The following DTWD2 variants were observed in gnomAD, a reference collection of about 807,000 sequenced individuals.
The protein encoded by DTWD2 is tRNA-uridine aminocarboxypropyltransferase 2.
A neutral mutation model predicts 31.8 loss-of-function variants in DTWD2; 39 were observed. That is an observed-to-expected ratio of 1.22 (90% CI 0.95 to 1.60). The LOEUF (loss-of-function observed/expected upper bound fraction) is 1.60, where lower values mean the gene tolerates loss of function less well. Among genes scored for constraint, DTWD2 ranks in the 40% most tolerant of loss-of-function variants. The pLI, the probability that DTWD2 is intolerant of heterozygous loss-of-function variation, is 0.00. For missense variants in DTWD2, 515 were observed against 381.5 expected (o/e 1.35, Z -2.92); for synonymous variants, 180 against 142.8 (o/e 1.26, Z -1.86).
chr5:118,967,846 T>A (rs1332078948), intron 1 of DTWD2, among the ~76,000 whole-genome samples: 1 of 152,002 alleles, frequency 6.6e-6, no homozygotes, highest in African/African-American at 2.4e-5. Context: ...CTAAAATCAG[T>A]GGGCAAAAAT....
intron 4 of DTWD2, among the ~76,000 whole-genome samples, chr5:118,889,924 G>A (rs914451713): frequency 2.0e-5 from 3 of 151,860 alleles, no homozygotes; most frequent in African/African-American, 7.3e-5. Flanking sequence ...TTACAATCTG[G>A]TAATAATATA....
chr5:118,850,660 G>A (rs1283198736), intron 4 of DTWD2, among the ~76,000 whole-genome samples: 3 of 151,764 alleles, frequency 2.0e-5, no homozygotes, highest in Non-Finnish European at 2.9e-5. Context: ...GCAAGAGTTG[G>A]CAAGTGGAAT....
rs186437695 is a variant in DTWD2 at position 118,984,580 on chromosome 5, G to T, written c.218+3714C>A. On this transcript the variant is annotated intron_variant, in intron 1 of 5. Coordinates refer to ENST00000510708, the MANE Select transcript of DTWD2 (RefSeq NM_173666.4). ...CAGATGGCTGGTGTTTAGTAAATGG[G>T]TGTTAAATACATAGATATGGTGTAT... Among the ~76,000 whole-genome samples, 491 of 152,230 alleles carry T rather than the reference G, an allele frequency of 3.2e-3. 2 individuals are homozygous for T. Among genetic ancestry groups the T allele is most frequent in the African/African-American group, 0.012 (480 of 41,518 alleles).
intron 3 of DTWD2, among the ~76,000 whole-genome samples, chr5:118,935,783 C>T (rs60372583): frequency 0.04 from 6,053 of 152,190 alleles, 402 homozygotes; most frequent in African/African-American, 0.14. Flanking sequence ...AAACAAATCC[C>T]TAATCATAGC....
At chr5:118,855,730 T>C (rs772857355) in intron 4 of DTWD2, among the ~76,000 whole-genome samples, 4 of 152,188 alleles carry the variant, frequency 2.6e-5, no homozygotes, top group Non-Finnish European at 5.9e-5. Context: ...ATTTGTTATT[T>C]TACTTTCTAT....
At chr5:118,932,313 C>CA (rs1753942103) in intron 3 of DTWD2, among the ~76,000 whole-genome samples, 3 of 77,096 alleles carry the variant, frequency 3.9e-5, no homozygotes, top group Non-Finnish European at 2.6e-5. Flanking sequence ...TCTGTCTTGA[C>CA]AAAAAAATTT....
chr5:118,842,233 T>C (rs1751735253), intron 5 of DTWD2, among the ~76,000 whole-genome samples: 1 of 152,192 alleles, frequency 6.6e-6, no homozygotes, highest in Non-Finnish European at 1.5e-5. Context: ...ATTAAAATAA[T>C]TCAAATTATA....
chr5:118,981,626 TCTTAC>T (rs769005902), intron 1 of DTWD2, among the ~76,000 whole-genome samples: 2 of 152,084 alleles, frequency 1.3e-5, no homozygotes, highest in African/African-American at 2.4e-5. Flanking sequence ...AGTGGCACCT[TCTTAC>T]CTTACTACAG....
At chr5:118,889,917 C>A (rs1433761838) in intron 4 of DTWD2, among the ~76,000 whole-genome samples, 1 of 152,010 alleles carries the variant, frequency 6.6e-6, no homozygotes. Context: ...CATTCTGTTA[C>A]AATCTGGTAA....
intron 4 of DTWD2, among the ~76,000 whole-genome samples, chr5:118,899,762 T>C (rs1242212249): frequency 6.6e-6 from 1 of 151,958 alleles, no homozygotes; most frequent in Non-Finnish European, 1.5e-5. Flanking sequence ...TTATAGAAAT[T>C]GAATCATTGA....
rs73239041 is a variant in DTWD2, at chr5:118,907,168, T to C, written c.597+21369A>G. On this transcript the variant is annotated intron_variant, in intron 4 of 5. Transcript: ENST00000510708. The stretch of plus-strand genomic sequence containing the variant: ...AAGTATATTACAACATCATTTCCTA[T>C]GAATTAGAAAGTTTCCCCACTTCTC... Among the ~76,000 whole-genome samples the C allele has an allele frequency of 4.9e-3, 744 of 152,332 alleles. 6 individuals are homozygous for C. The highest frequency in any genetic ancestry group is 0.017 in the African/African-American group (698 of 41,572).
At chr5:118,979,951 T>C (rs1472037575) in intron 1 of DTWD2, among the ~76,000 whole-genome samples, 5 of 152,172 alleles carry the variant, frequency 3.3e-5, no homozygotes, top group Admixed American at 6.5e-5. Context: ...ATGGCACATG[T>C]TACCTATGTA....
At chr5:118,852,654 G>A (rs761497331) in intron 4 of DTWD2, among the ~76,000 whole-genome samples, 18 of 152,200 alleles carry the variant, frequency 1.2e-4, no homozygotes, top group Middle Eastern at 3.2e-3. Flanking sequence ...GTCGAAAGCG[G>A]TGTGGTGATT....
intron 4 of DTWD2, among the ~76,000 whole-genome samples, chr5:118,860,674 G>C (rs550539812): frequency 3.2e-4 from 48 of 152,206 alleles, no homozygotes; most frequent in Non-Finnish European, 5.7e-4. Flanking sequence ...TCATAATAGA[G>C]CATATTGTTT....
At chr5:118,944,670 T>C (rs1561465677) in intron 1 of DTWD2, 21 bp from the exon 2 acceptor site, 2 of 1,604,880 alleles carry the variant, frequency 1.2e-6, no homozygotes, top group Admixed American at 1.7e-5. Flanking sequence ...AAAAGAAAAA[T>C]AAAACTGGTA....
intron 1 of DTWD2, among the ~76,000 whole-genome samples, chr5:118,946,370 A>G (rs1412213814): frequency 6.6e-6 from 1 of 152,322 alleles, no homozygotes; most frequent in South Asian, 2.1e-4. Context: ...ACAGACACCA[A>G]CTGATGAAAC....
chr5:118,883,105 T>C (rs1752779118), intron 4 of DTWD2, among the ~76,000 whole-genome samples: 1 of 152,214 alleles, frequency 6.6e-6, no homozygotes, highest in Non-Finnish European at 1.5e-5. Context: ...TGCTTAGAAA[T>C]TTGTTCTGCC....
intron 4 of DTWD2, among the ~76,000 whole-genome samples, chr5:118,910,865 C>A (rs972714562): frequency 1.3e-5 from 2 of 152,140 alleles, no homozygotes; most frequent in East Asian, 3.8e-4. Flanking sequence ...AGAAATGGCA[C>A]CTTCTATGTG....
At chr5:118,862,000 T>C (rs1049836268) in intron 4 of DTWD2, among the ~76,000 whole-genome samples, 2 of 152,144 alleles carry the variant, frequency 1.3e-5, no homozygotes, top group Non-Finnish European at 2.9e-5. Flanking sequence ...ACCGGTACCG[T>C]TCTGTGGTCT....
Sources: gnomAD v4.1 joint callset for allele counts (sites outside exome capture counted in the v4.1 genomes callset) on GRCh38, gnomAD v4.1.1 for gene constraint, MANE v1.5 for transcripts, NCBI Gene and HGNC (gene_info 2026-07-23, HGNC 2026-07-21) for gene names.